The following GOLGA1 variants were observed in gnomAD, a reference collection of about 807,000 sequenced individuals.
GOLGA1 encodes golgin A1, also known as golgin subfamily A member 1.
In GOLGA1, 63 loss-of-function variants were observed where a neutral mutation model predicts 119.7. The ratio of observed to expected loss-of-function variants is 0.53; its 90% CI spans 0.43 to 0.65. GOLGA1 has a LOEUF of 0.65. Among genes scored for constraint, GOLGA1 ranks in the 30% least tolerant of loss-of-function variants. The pLI is 0.00. For missense variants in GOLGA1, 798 were observed against 912.8 expected, an observed-to-expected ratio of 0.87 and a Z score of 1.62; for synonymous variants, 318 against 333.4, an observed-to-expected ratio of 0.95 and a Z score of 0.50.
chr9:124,923,091 A>G lies in GOLGA1; in HGVS notation c.561+4T>C, dbSNP rs1830602426. 6.2e-7 allele frequency: 1 copy of G among 1,601,802 alleles called. No homozygotes were observed. The highest frequency in any genetic ancestry group is 1.1e-5 in the South Asian group (1 of 89,098). On this transcript the variant is annotated splice_donor_region_variant and intron_variant, in intron 8 of 22. Coordinates refer to ENST00000373555, the MANE Select transcript of GOLGA1 (RefSeq NM_002077.4). ...TATTTAGCTACTAAAACAAAAATGC[A>G]TACCATGTGCTTTATTTTACTTAGT...
At chr9:124,940,795 C>A (rs568965979) in intron 1 of GOLGA1, among the ~76,000 whole-genome samples, 176 bp downstream of exon 1, 1 of 152,348 alleles carries the variant, frequency 6.6e-6, no homozygotes, top group Non-Finnish European at 1.5e-5. Flanking sequence ...ACCCTAGGCT[C>A]CAGACTCCCA....
chr9:124,908,937 A>G (rs577593313), intron 11 of GOLGA1, among the ~76,000 whole-genome samples: 1 of 152,236 alleles, frequency 6.6e-6, no homozygotes, highest in Admixed American at 6.5e-5. Context: ...AAAGATAGGC[A>G]AAAGGGCCAG....
chr9:124,891,318 G>A (rs1251126077), intron 15 of GOLGA1, among the ~76,000 whole-genome samples: 2 of 152,240 alleles, frequency 1.3e-5, no homozygotes, highest in Non-Finnish European at 1.5e-5. Flanking sequence ...CTGCCTCTGC[G>A]ATGATTCTCC....
chr9:124,919,939 T>C (rs1830530743), intron 10 of GOLGA1, among the ~76,000 whole-genome samples: 1 of 151,022 alleles, frequency 6.6e-6, no homozygotes, highest in East Asian at 2.1e-4. Context: ...TTTATTTATA[T>C]TTATTTATTT....
rs1220345546 is a variant in GOLGA1, at chr9:124,938,873, A to T, written c.-155-7T>A. On this transcript the variant is annotated splice_region_variant and splice_polypyrimidine_tract_variant and intron_variant, in intron 2 of 22. Transcript: ENST00000373555. ...GCTTATGGCAACACAGGATCTACAAATCAGATGAAAGAGACAGTTCAAAAG... is the reference window on the plus strand; with the variant it reads ...GCTTATGGCAACACAGGATCTACAATTCAGATGAAAGAGACAGTTCAAAAG... 1 of 518,406 alleles carries T rather than the reference A, an allele frequency of 1.9e-6. No individual in the cohort carries two copies. Among genetic ancestry groups the T allele is most frequent in the Non-Finnish European group, 3.4e-6 (1 of 297,688 alleles). 32.1% of individuals were successfully genotyped at this position (518,406 alleles called of 1,614,324 possible).
rs1214843450 is a variant in GOLGA1 at position 124,888,197 on chromosome 9, G to C, written c.1905+56C>G. On this transcript the variant is annotated intron_variant, in intron 19 of 22. Coordinates refer to ENST00000373555, the MANE Select transcript of GOLGA1 (RefSeq NM_002077.4). This position sits in a 1 kb window ranked among gnomAD's most constrained non-coding sequence, Gnocchi z 4.4. ...CCAAGGATGGACTGGGTCATTTTAG[G>C]CCTGAGGGTGAGGACCTGGTGGAGA... 16 of 1,550,172 alleles carry C rather than the reference G, an allele frequency of 1.0e-5. No homozygotes were observed. The highest frequency in any genetic ancestry group is 1.4e-5 in the Non-Finnish European group (16 of 1,123,224).
Position 124,898,625 on chromosome 9 carries a change from T to C in GOLGA1, c.1331A>G (p.Asn444Ser). 1 of 1,609,664 alleles carries C rather than the reference T, an allele frequency of 6.2e-7. No homozygotes were observed. The highest frequency in any genetic ancestry group is 1.3e-5 in the African/African-American group (1 of 74,944). The stretch of plus-strand genomic sequence containing the variant: ...ATTCCTGCATTCTTTAAGGGCTGCA[T>C]TTTCTTGCTCCAGTTGTCTCTGCCA... ...EQGMRQLEQENAALKECRNEY... is the reference protein window; with the variant it reads ...EQGMRQLEQESAALKECRNEY... Residue 444 changes from asparagine (N) to serine (S), a missense_variant, in exon 15 of 23, where the codon AAT becomes AGT. Physicochemically the swap from Asn to Ser is conservative, Grantham distance 46. Coordinates refer to ENST00000373555, the MANE Select transcript of GOLGA1 (RefSeq NM_002077.4).
chr9:124,924,506 C>T (rs956995656), intron 7 of GOLGA1, among the ~76,000 whole-genome samples: 2 of 151,764 alleles, frequency 1.3e-5, no homozygotes, highest in African/African-American at 4.8e-5. Flanking sequence ...GTGGCATGTG[C>T]TTGTAATCCC....
In GOLGA1 at chr9:124,880,462, T is replaced by G. The variant is rs1467134693; in HGVS notation, c.*68A>C. 1 of 853,408 alleles carries G rather than the reference T, an allele frequency of 1.2e-6. No homozygotes were observed. Among genetic ancestry groups the G allele is most frequent in the Non-Finnish European group, 2.0e-6 (1 of 488,686 alleles). 52.9% of individuals were successfully genotyped at this position (853,408 alleles called of 1,614,324 possible). On this transcript the variant is annotated 3_prime_UTR_variant, in exon 23 of 23. Transcript: ENST00000373555. ...ACAGTGATTAAAAACCCACCCAGACTGGTGTGTCAGTGTTCTTTTCACAGA... is the reference window on the plus strand; with the variant it reads ...ACAGTGATTAAAAACCCACCCAGACGGGTGTGTCAGTGTTCTTTTCACAGA...
At chr9:124,882,409 T>A in intron 20 of GOLGA1, 101 bp downstream of exon 20, 1 of 802,348 alleles carries the variant, frequency 1.2e-6, no homozygotes. Context: ...AATTAGGGGG[T>A]GGAGGGAGCA....
chr9:124,890,436 G>T lies in GOLGA1; in HGVS notation c.1450C>A (p.Gln484Lys), dbSNP rs1206684399. 4 of 1,613,860 alleles carry T rather than the reference G, an allele frequency of 2.5e-6. No individual in the cohort carries two copies. In the South Asian group the frequency reaches 4.4e-5, roughly 18 times the overall value. ...TGCTTCCGCACCTCCTCCAGGGCTT[G>T]AGCCATGGCCACGCTCACAATTTCT... ...QREIVSVAMA[Q>K]ALEEVRKQRE... Residue 484 changes from glutamine to lysine, a missense_variant, in exon 16 of 23, where the codon CAA (glutamine) becomes AAA (lysine). By Grantham distance (53) the Gln-to-Lys change is moderately conservative. Coordinates refer to ENST00000373555, the MANE Select transcript of GOLGA1 (RefSeq NM_002077.4).
intron 13 of GOLGA1, 198 bp downstream of exon 13, chr9:124,900,254 C>A: frequency 2.3e-6 from 1 of 437,102 alleles, no homozygotes; most frequent in African/African-American, 2.1e-5. Flanking sequence ...GTGCACCTCC[C>A]AGGTAACTCA....
intron 10 of GOLGA1, among the ~76,000 whole-genome samples, chr9:124,912,699 C>G (rs1326286882): frequency 6.6e-6 from 1 of 152,144 alleles, no homozygotes; most frequent in Non-Finnish European, 1.5e-5. Flanking sequence ...CCCACCACCA[C>G]ACCCGGCTAA....
rs369382388 is a variant in GOLGA1, at chr9:124,881,129, A to G, written c.2223+42T>C. The G allele has an allele frequency of 1.7e-5, 18 of 1,042,032 alleles. No homozygotes were observed. The highest frequency in any genetic ancestry group is 2.6e-5 in the Non-Finnish European group (17 of 656,232). 64.5% of individuals were successfully genotyped at this position (1,042,032 alleles called of 1,614,324 possible). A position where few individuals can be genotyped will look rare whatever the true frequency, so the allele number is the denominator to read the frequency against. ...CACTGCTACTGCTGGGATAACTGAC[A>G]ACGTATCTTGGAAGCTGGAACAGTA... is the stretch of plus-strand genomic sequence containing the variant. On this transcript the variant is annotated intron_variant, in intron 22 of 22. Coordinates refer to ENST00000373555, the MANE Select transcript of GOLGA1 (RefSeq NM_002077.4). This position sits in a 1 kb window ranked among gnomAD's most constrained non-coding sequence, Gnocchi z 4.9.
intron 19 of GOLGA1, 30 bp from the exon 20 acceptor site, chr9:124,882,599 A>T (rs1362139864): frequency 5.7e-6 from 9 of 1,586,490 alleles, no homozygotes; most frequent in Middle Eastern, 1.7e-4. Flanking sequence ...ACAGAAAGCC[A>T]ATCGTTAGAT....
chr9:124,882,313 A>G (rs1379174327), intron 20 of GOLGA1, among the ~76,000 whole-genome samples, 197 bp downstream of exon 20: 1 of 152,220 alleles, frequency 6.6e-6, no homozygotes, highest in African/African-American at 2.4e-5. Context: ...ACAGGGCTGT[A>G]GCCACGGAGC....
At chr9:124,936,653 G>A (rs1830876649) in intron 3 of GOLGA1, among the ~76,000 whole-genome samples, 1 of 151,468 alleles carries the variant, frequency 6.6e-6, no homozygotes, top group South Asian at 2.1e-4. Context: ...GTCTTGCTAT[G>A]TTGCCCAAGC....
Position 124,880,455 on chromosome 9 carries a change from C to A in GOLGA1, c.*75G>T. The A allele has an allele frequency of 1.2e-6, 1 of 836,256 alleles. No homozygotes were observed. The highest frequency in any genetic ancestry group is 2.1e-6 in the Non-Finnish European group (1 of 474,500). 51.8% of individuals were successfully genotyped at this position (836,256 alleles called of 1,614,324 possible). ...TGCAGTTACAGTGATTAAAAACCCA[C>A]CCAGACTGGTGTGTCAGTGTTCTTT... On this transcript the variant is annotated 3_prime_UTR_variant, in exon 23 of 23. Transcript: ENST00000373555.
chr9:124,905,955 A>G (rs925267866), intron 12 of GOLGA1, among the ~76,000 whole-genome samples: 3 of 151,534 alleles, frequency 2.0e-5, no homozygotes, highest in Non-Finnish European at 4.4e-5. Flanking sequence ...TCTGCTAAAA[A>G]TACAAAAATT....
Sources: allele counts gnomAD v4.1 joint callset (sites outside exome capture counted in the v4.1 genomes callset), GRCh38; gene constraint gnomAD v4.1.1; non-coding constraint Gnocchi (gnomAD v3.1); transcripts MANE v1.5; gene names NCBI Gene and HGNC (gene_info 2026-07-23, HGNC 2026-07-21).